SEMA5A: variants seen among roughly 807,000 people sequenced by gnomAD.
The protein encoded by SEMA5A is semaphorin 5A.
A neutral mutation model predicts 135.5 loss-of-function variants in SEMA5A; 55 were observed. The observed-to-expected ratio is 0.41, with a 90% CI of 0.33 to 0.51. The LOEUF (loss-of-function observed/expected upper bound fraction) is 0.51. SEMA5A is among the 20% of genes least tolerant of loss of function. The pLI is 0.37. For missense variants in SEMA5A, 1,290 were observed against 1,419.9 expected, an observed-to-expected ratio of 0.91 and a Z score of 1.47; for synonymous variants, 580 against 546.5, an observed-to-expected ratio of 1.06 and a Z score of -0.85.
Position 9,523,732 on chromosome 5 carries a change from G to A in SEMA5A, c.-175+21852C>T, listed in dbSNP as rs544405234. 2.0e-5 allele frequency among the ~76,000 whole-genome samples: 3 copies of A among 152,254 alleles called. No homozygotes were observed. In the South Asian group the frequency reaches 6.2e-4, roughly 32 times the overall value. ...GCAAAAACTGAATTCTCTGGACAAG[G>A]TCCAGTGCAAATAAGTTGGGATGAT... On this transcript the variant is annotated intron_variant, in intron 1 of 22. Transcript: ENST00000382496.
chr5:9,149,313 G>T (rs1254038261), intron 12 of SEMA5A, among the ~76,000 whole-genome samples: 2 of 152,148 alleles, frequency 1.3e-5, no homozygotes, highest in Admixed American at 6.5e-5. Context: ...CCAACATGCT[G>T]ATCCACTCCA....
At chr5:9,112,804 G>A (rs1028244995) in intron 15 of SEMA5A, among the ~76,000 whole-genome samples, 11 of 152,182 alleles carry the variant, frequency 7.2e-5, no homozygotes, top group African/African-American at 2.4e-4. Flanking sequence ...CTAACCAACA[G>A]AATATGTGAA....
chr5:9,457,413 G>C (rs1411265397), intron 1 of SEMA5A, among the ~76,000 whole-genome samples: 2 of 152,140 alleles, frequency 1.3e-5, no homozygotes, highest in South Asian at 2.1e-4. Context: ...ACAGCAACCA[G>C]GTTGCAAGTA....
chr5:9,357,143 T>G (rs1029731775), intron 3 of SEMA5A, among the ~76,000 whole-genome samples: 1 of 152,234 alleles, frequency 6.6e-6, no homozygotes, highest in African/African-American at 2.4e-5. Flanking sequence ...ATTAAAAATC[T>G]CATTTCATTT....
intron 13 of SEMA5A, among the ~76,000 whole-genome samples, chr5:9,124,110 A>G (rs1740976122): frequency 6.6e-6 from 1 of 152,078 alleles, no homozygotes; most frequent in South Asian, 2.1e-4. Context: ...GGGGAGCAAC[A>G]CCAAGGACTG....
chr5:9,330,416 GTTTTT>G (rs11386960), intron 4 of SEMA5A, among the ~76,000 whole-genome samples: 1 of 149,076 alleles, frequency 6.7e-6, no homozygotes, highest in Non-Finnish European at 1.5e-5. Flanking sequence ...GTACAGATTA[GTTTTT>G]TTTGTTTTTG....
At chr5:9,542,969 G>A (rs940346391) in intron 1 of SEMA5A, among the ~76,000 whole-genome samples, 1 of 152,136 alleles carries the variant, frequency 6.6e-6, no homozygotes, top group Admixed American at 6.5e-5. Context: ...ACATCTTCCT[G>A]TATCAAAAGC....
intron 2 of SEMA5A, among the ~76,000 whole-genome samples, chr5:9,400,218 A>T (rs1756591593): frequency 6.6e-6 from 1 of 152,202 alleles, no homozygotes; most frequent in African/African-American, 2.4e-5. Flanking sequence ...TGTAGGGCTT[A>T]AAACCTAGAT....
At chr5:9,114,786 A>T (rs1409589294) in intron 15 of SEMA5A, among the ~76,000 whole-genome samples, 1 of 152,228 alleles carries the variant, frequency 6.6e-6, no homozygotes, top group African/African-American at 2.4e-5. Flanking sequence ...ATGGCAAAAG[A>T]TGCAAAAAAT....
chr5:9,535,808 G>A (rs1421916659), intron 1 of SEMA5A, among the ~76,000 whole-genome samples: 2 of 152,150 alleles, frequency 1.3e-5, no homozygotes, highest in Non-Finnish European at 2.9e-5. Context: ...AATCTCTACT[G>A]CCCTGCGGCA....
chr5:9,192,925 T>C (rs992022878), intron 10 of SEMA5A, among the ~76,000 whole-genome samples: 1 of 151,946 alleles, frequency 6.6e-6, no homozygotes, highest in East Asian at 1.9e-4. Context: ...TAAGAATCTC[T>C]TGCTGTTCTT....
chr5:9,048,165 G>A (rs1273962020), intron 21 of SEMA5A, among the ~76,000 whole-genome samples: 1 of 152,176 alleles, frequency 6.6e-6, no homozygotes, highest in Non-Finnish European at 1.5e-5. Context: ...TTGTCCAAGT[G>A]TGTTACCTAA....
chr5:9,522,477 G>C (rs1026906680), intron 1 of SEMA5A, among the ~76,000 whole-genome samples: 4 of 152,174 alleles, frequency 2.6e-5, no homozygotes, highest in African/African-American at 9.7e-5. Context: ...CAGCTACTCA[G>C]GAGGCTGAGG....
intron 16 of SEMA5A, among the ~76,000 whole-genome samples, chr5:9,076,914 T>C (rs933295064): frequency 1.3e-4 from 18 of 142,664 alleles, no homozygotes; most frequent in Non-Finnish European, 3.1e-5. Flanking sequence ...GTGTGTAGCC[T>C]GTGCATGTTC....
chr5:9,150,662 G>A lies in SEMA5A; in HGVS notation c.1481+3826C>T, dbSNP rs1049913759. 6.6e-5 allele frequency among the ~76,000 whole-genome samples: 10 copies of A among 152,212 alleles called. No individual in the cohort carries two copies. The East Asian group carries it at 1.5e-3, about 24-fold the overall frequency. ...TGTTCTCTCACCACTCCCAACCCCCGCCGCCTGAGGTCCCAGGATCTCCTT... is the reference window on the plus strand; with the variant it reads ...TGTTCTCTCACCACTCCCAACCCCCACCGCCTGAGGTCCCAGGATCTCCTT... On this transcript the variant is annotated intron_variant, in intron 12 of 22. Coordinates refer to ENST00000382496, the MANE Select transcript of SEMA5A (RefSeq NM_003966.3).
intron 1 of SEMA5A, among the ~76,000 whole-genome samples, chr5:9,475,146 G>T (rs966980365): frequency 5.9e-5 from 9 of 152,158 alleles, no homozygotes; most frequent in African/African-American, 2.2e-4. Context: ...TGGCCAGGCT[G>T]GTCTCGAACT....
chr5:9,094,078 T>C (rs1260374871), intron 16 of SEMA5A, among the ~76,000 whole-genome samples: 2 of 152,316 alleles, frequency 1.3e-5, no homozygotes, highest in East Asian at 3.9e-4. Context: ...ATTTAGCAAT[T>C]TGAATTATGT....
intron 3 of SEMA5A, among the ~76,000 whole-genome samples, chr5:9,368,182 C>T (rs997677789): frequency 6.6e-6 from 1 of 152,156 alleles, no homozygotes; most frequent in Non-Finnish European, 1.5e-5. Context: ...CATACACACA[C>T]CTAGGTCTTA....
chr5:9,534,945 C>T (rs909925794), intron 1 of SEMA5A, among the ~76,000 whole-genome samples: 7 of 152,224 alleles, frequency 4.6e-5, no homozygotes, highest in African/African-American at 1.7e-4. Flanking sequence ...TGACTCTTGT[C>T]CTGACTTGTG....
Sources: gnomAD v4.1 joint callset for allele counts (sites outside exome capture counted in the v4.1 genomes callset) on GRCh38, gnomAD v4.1.1 for gene constraint, MANE v1.5 for transcripts, NCBI Gene and HGNC (gene_info 2026-07-23, HGNC 2026-07-21) for gene names.